Variants in AEBP2 observed in about 807,000 individuals in gnomAD.
AEBP2 encodes the protein zinc finger protein AEBP2.
AEBP2 carries 10 observed loss-of-function variants against 50.8 expected under a neutral mutation model. The observed-to-expected ratio is 0.20, with a 90% CI of 0.12 to 0.33. The LOEUF is 0.33. Ranked by LOEUF, AEBP2 falls within the 10% of genes least tolerant of loss-of-function variation. AEBP2 has a pLI of 1.00. For synonymous variants in AEBP2, 296 were observed against 261.3 expected, an observed-to-expected ratio of 1.13 and a Z score of -1.28; for missense variants, 570 against 688.0, an observed-to-expected ratio of 0.83 and a Z score of 1.92.
intron 1 of AEBP2, among the ~76,000 whole-genome samples, chr12:19,451,713 G>T (rs1329573354): frequency 6.7e-6 from 1 of 150,192 alleles, no homozygotes; most frequent in East Asian, 2.0e-4. Context: ...AAGAGACAAG[G>T]TCTCGCTTGC....
chr12:19,473,416 T>C, intron 3 of AEBP2, 61 bp downstream of exon 3: 1 of 708,312 alleles, frequency 1.4e-6, no homozygotes, highest in Non-Finnish European at 1.9e-6. Context: ...TTTATTTATT[T>C]ATTTATGACA....
intron 3 of AEBP2, among the ~76,000 whole-genome samples, chr12:19,476,289 A>G (rs1389680564): frequency 6.6e-6 from 1 of 152,164 alleles, no homozygotes; most frequent in Non-Finnish European, 1.5e-5. Flanking sequence ...GTGGCTTGGC[A>G]GTTATCCCAG....
At chr12:19,516,561 A>T (rs1464266748) in intron 7 of AEBP2, among the ~76,000 whole-genome samples, 1 of 152,208 alleles carries the variant, frequency 6.6e-6, no homozygotes, top group Non-Finnish European at 1.5e-5. Flanking sequence ...AAGTGACTTA[A>T]AACAAAATTT....
At chr12:19,504,366 C>T (rs1354217809) in intron 5 of AEBP2, among the ~76,000 whole-genome samples, 4 of 128,152 alleles carry the variant, frequency 3.1e-5, no homozygotes, top group Non-Finnish European at 6.9e-5. Context: ...TCCCGAGTAG[C>T]TGGGAATACA....
chr12:19,437,357 T>C (rs1386449350), upstream of AEBP2, among the ~76,000 whole-genome samples: 2 of 152,218 alleles, frequency 1.3e-5, no homozygotes, highest in Admixed American at 1.3e-4. Flanking sequence ...CACTTTTCTC[T>C]TGTTAACCTG....
Position 19,439,894 on chromosome 12 carries a change from G to GGGCGGCGGA in AEBP2, c.204_212dup (p.Gly71_Gly73dup), listed in dbSNP as rs759926612. The GGGCGGCGGA allele has an allele frequency of 3.8e-5, 56 of 1,489,696 alleles. No individual in the cohort carries two copies. The highest frequency in any genetic ancestry group is 2.2e-4 in the Middle Eastern group (1 of 4,490). The allele number at this position is 1,489,696 out of a possible 1,614,324, so 92.3% of individuals were successfully genotyped here. On this transcript the variant is annotated inframe_insertion, in exon 1 of 8. Transcript: ENST00000266508. Reference sequence around the variant, plus strand: ...TGCTGCTGAACGGCGGCAGCGGTGGGGGCGGCGGAGGCGGCGGCGGAGGAG... The same window carrying GGGCGGCGGA: ...TGCTGCTGAACGGCGGCAGCGGTGGGGGCGGCGGAGGCGGCGGAGGCGGCGGCGGAGGAG...
intron 1 of AEBP2, chr12:19,456,343 G>T (rs1309645799): frequency 8.5e-6 from 12 of 1,409,018 alleles, no homozygotes; most frequent in South Asian, 5.8e-5. Context: ...GCAACTGTCT[G>T]TCTCATATCA....
intron 1 of AEBP2, among the ~76,000 whole-genome samples, chr12:19,444,804 G>T (rs1300713064): frequency 6.6e-6 from 1 of 152,150 alleles, no homozygotes; most frequent in Admixed American, 6.6e-5. Flanking sequence ...TAGTATCTTT[G>T]TAAGTACCTA....
rs376771132 is a variant in AEBP2 at position 19,430,383 on chromosome 12, G to A, written c.-17+26167G>A. 9.2e-5 allele frequency among the ~76,000 whole-genome samples: 14 copies of A among 152,250 alleles called. No individual in the cohort carries two copies. The East Asian group carries it at 2.7e-3, about 29-fold the overall frequency. ...ATGCTGTTTTGGTTACTGTAGTCTT[G>A]TAGTATAGTTTGAAGTCAGGTAGTG... is the stretch of plus-strand genomic sequence containing the variant. On this transcript the variant is annotated intron_variant, in intron 1 of 3. Coordinates refer to the AEBP2 transcript ENST00000538425.
At chr12:19,408,894 C>T (rs1313245097) in intron 1 of AEBP2, among the ~76,000 whole-genome samples, 1 of 135,190 alleles carries the variant, frequency 7.4e-6, no homozygotes, top group Non-Finnish European at 1.5e-5. Flanking sequence ...CAGAGTGAGA[C>T]TCTGTCTCAA....
At chr12:19,489,759 T>C (rs969867147) in intron 3 of AEBP2, among the ~76,000 whole-genome samples, 1 of 152,184 alleles carries the variant, frequency 6.6e-6, no homozygotes, top group Admixed American at 6.5e-5. Flanking sequence ...AGTTGATGCC[T>C]AAAATTATTT....
At chr12:19,463,667 A>ATTTTTTT (rs34007914) in intron 2 of AEBP2, among the ~76,000 whole-genome samples, 36 of 84,666 alleles carry the variant, frequency 4.3e-4, no homozygotes, top group South Asian at 9.9e-4. Flanking sequence ...TCATACTTGA[A>ATTTTTTT]TTTTTTTTTT....
At chr12:19,409,568 C>T (rs927881326) in intron 1 of AEBP2, among the ~76,000 whole-genome samples, 12 of 152,272 alleles carry the variant, frequency 7.9e-5, no homozygotes, top group Middle Eastern at 3.4e-3. Flanking sequence ...TCATTTTCCA[C>T]GTGGACTGCC....
At chr12:19,412,253 C>A (rs1326352587) in intron 1 of AEBP2, among the ~76,000 whole-genome samples, 1 of 152,044 alleles carries the variant, frequency 6.6e-6, no homozygotes, top group Non-Finnish European at 1.5e-5. Context: ...TATTTTGATT[C>A]CCAAAGTTTT....
At chr12:19,444,422 T>C (rs1948021393) in intron 1 of AEBP2, among the ~76,000 whole-genome samples, 1 of 152,226 alleles carries the variant, frequency 6.6e-6, no homozygotes, top group African/African-American at 2.4e-5. Flanking sequence ...GTACTAGCTA[T>C]TGAATCAGTT....
intron 2 of AEBP2, among the ~76,000 whole-genome samples, chr12:19,467,604 C>T (rs1440697446): frequency 5.3e-5 from 8 of 152,062 alleles, no homozygotes; most frequent in South Asian, 2.1e-4. Flanking sequence ...TAGGTCCGTA[C>T]GTCTATGTGT....
chr12:19,517,297 CCTT>C (rs1278687888), intron 7 of AEBP2, among the ~76,000 whole-genome samples: 2 of 152,068 alleles, frequency 1.3e-5, no homozygotes, highest in African/African-American at 4.8e-5. Context: ...GTATGGCAAA[CCTT>C]CTGCAAAATA....
At chr12:19,496,969 T>C (rs1948992595) in intron 4 of AEBP2, among the ~76,000 whole-genome samples, 1 of 151,414 alleles carries the variant, frequency 6.6e-6, no homozygotes. Flanking sequence ...CCCGGCCTGA[T>C]AAAATTTATA....
rs1018231396 is a variant in AEBP2 at position 19,518,733 on chromosome 12, A to G, written c.*616A>G. On this transcript the variant is annotated 3_prime_UTR_variant, in exon 8 of 8. Transcript: ENST00000266508. ...AAGCAAACAGTGAACGACGTTTGCA[A>G]TCAACTAAAAATTCGTCTATCGAAT... 37 of 1,486,900 alleles carry G rather than the reference A, an allele frequency of 2.5e-5. No homozygotes were observed. The highest frequency in any genetic ancestry group is 6.0e-5 in the Admixed American group (3 of 49,788). 92.1% of individuals were successfully genotyped at this position (1,486,900 alleles called of 1,614,324 possible). A position where few individuals can be genotyped will look rare whatever the true frequency, so the allele number is the denominator to read the frequency against.
Sources: gnomAD v4.1 joint callset for allele counts (sites outside exome capture counted in the v4.1 genomes callset) on GRCh38, gnomAD v4.1.1 for gene constraint, MANE v1.5 for transcripts, NCBI Gene and HGNC (gene_info 2026-07-23, HGNC 2026-07-21) for gene names.